Variants in EPHA6 observed in about 807,000 individuals in gnomAD.
The protein encoded by EPHA6 is ephrin type-A receptor 6.
Under a neutral mutation model 112.0 loss-of-function variants are expected in EPHA6, and 50 were observed. The ratio of observed to expected loss-of-function variants is 0.45; its 90% CI spans 0.36 to 0.56. The LOEUF (loss-of-function observed/expected upper bound fraction) is 0.56. EPHA6 is among the 20% of genes least tolerant of loss of function. The pLI is 0.00. For synonymous variants in EPHA6, 529 were observed against 490.7 expected, an observed-to-expected ratio of 1.08 and a Z score of -1.03; for missense variants, 1,280 against 1,417.4, an observed-to-expected ratio of 0.90 and a Z score of 1.56.
intron 3 of EPHA6, among the ~76,000 whole-genome samples, chr3:97,042,956 C>T (rs1389188884): frequency 6.6e-6 from 1 of 152,120 alleles, no homozygotes; most frequent in Non-Finnish European, 1.5e-5. Flanking sequence ...GCCCTTAGAG[C>T]AGACTAGGTA....
At position 97,475,360 on chromosome 3, in the gene EPHA6, A is replaced by G; in HGVS notation, c.1903A>G (p.Met635Val). 6.2e-7 allele frequency: 1 copy of G among 1,609,284 alleles called. No individual in the cohort carries two copies. Among genetic ancestry groups the G allele is most frequent in the Middle Eastern group, 1.7e-4 (1 of 6,052 alleles). ...TTGTATCTCTGTTTCAGCTTCTGAC[A>G]TGGCAGCAGAACAAGGACAGATTCT... Reference protein sequence around the residue: ...EFETGDETSDMAAEQGQILVI... With the variant: ...EFETGDETSDVAAEQGQILVI... The change falls in exon 8 of 18, where the codon ATG becomes GTG. Residue 635 changes from methionine to valine, a missense_variant. By Grantham distance (21) the Met-to-Val change is conservative. Coordinates refer to ENST00000389672, the MANE Select transcript of EPHA6 (RefSeq NM_001080448.3).
chr3:97,109,651 G>A (rs2047663523), intron 3 of EPHA6, among the ~76,000 whole-genome samples: 1 of 152,136 alleles, frequency 6.6e-6, no homozygotes, highest in South Asian at 2.1e-4. Context: ...ACGGTGAGAA[G>A]CACAAAACTC....
At chr3:96,890,708 A>G (rs551062191) in intron 2 of EPHA6, among the ~76,000 whole-genome samples, 124 of 152,242 alleles carry the variant, frequency 8.1e-4, no homozygotes, top group Non-Finnish European at 1.4e-3. Context: ...TGGGGCAAGT[A>G]GAGCTCTCAT....
At chr3:97,541,831 A>T (rs1286347211) in intron 11 of EPHA6, among the ~76,000 whole-genome samples, 5 of 151,186 alleles carry the variant, frequency 3.3e-5, no homozygotes, top group Admixed American at 3.3e-4. Flanking sequence ...GTCCCTGTAC[A>T]GGTGTGCTGT....
chr3:97,461,285 A>T (rs571095875), intron 7 of EPHA6, among the ~76,000 whole-genome samples: 1 of 152,308 alleles, frequency 6.6e-6, no homozygotes, highest in African/African-American at 2.4e-5. Flanking sequence ...AATTTTGTGT[A>T]AAAATTCAAG....
intron 3 of EPHA6, among the ~76,000 whole-genome samples, chr3:97,215,560 G>T (rs2078010013): frequency 6.6e-6 from 1 of 150,996 alleles, no homozygotes; most frequent in African/African-American, 2.4e-5. Context: ...GCAGTGAGCT[G>T]AGATCATGTC....
rs374566449 is a variant in EPHA6, at chr3:97,244,188, G to C, written c.1507G>C (p.Val503Leu). 21 of 1,613,034 alleles carry C rather than the reference G, an allele frequency of 1.3e-5. No individual in the cohort carries two copies. The highest frequency in any genetic ancestry group is 1.5e-5 in the Non-Finnish European group (18 of 1,179,410). ...GATAGTACTTGACTTTGTGTCTCAC[G>C]TGAATTACACCTTTGAAATAGAAGC... ...SVIVLDFVSH[V>L]NYTFEIEAMN... is the part of the protein sequence containing the mutation. The change falls in exon 5 of 18, where the codon GTG becomes CTG. Residue 503 changes from valine to leucine, a missense_variant. Transcript: ENST00000389672.
chr3:97,626,154 A>G (rs1306908593), intron 13 of EPHA6, among the ~76,000 whole-genome samples: 1 of 151,816 alleles, frequency 6.6e-6, no homozygotes, highest in East Asian at 1.9e-4. Context: ...AGCAGGTGCA[A>G]CCAACCAAAA....
At chr3:97,457,180 G>A (rs144156425) in intron 7 of EPHA6, among the ~76,000 whole-genome samples, 2 of 152,168 alleles carry the variant, frequency 1.3e-5, no homozygotes, top group Non-Finnish European at 2.9e-5. Context: ...CTCAAGTAGG[G>A]AATACAAGTA....
At chr3:97,658,633 A>G (rs922007627) in intron 14 of EPHA6, among the ~76,000 whole-genome samples, 1 of 151,970 alleles carries the variant, frequency 6.6e-6, no homozygotes. Flanking sequence ...TACGGGAAAT[A>G]GAAGAAACCG....
At chr3:97,713,431 A>AT (rs1180243632) in intron 14 of EPHA6, among the ~76,000 whole-genome samples, 1 of 152,174 alleles carries the variant, frequency 6.6e-6, no homozygotes, top group Non-Finnish European at 1.5e-5. Context: ...TTTTTTAAAA[A>AT]TTTAGTTTCA....
intron 2 of EPHA6, among the ~76,000 whole-genome samples, chr3:96,952,907 AG>A (rs2041608654): frequency 6.6e-6 from 1 of 152,112 alleles, no homozygotes; most frequent in African/African-American, 2.4e-5. Flanking sequence ...AAACAACTAA[AG>A]GGTATTAGGC....
In EPHA6 at chr3:97,754,165, C is replaced by T. The variant is rs954366079; in HGVS notation, c.*5464C>T. On this transcript the variant is annotated 3_prime_UTR_variant, in exon 18 of 18. Transcript: ENST00000389672. ...GTGCAATGGTGCAATCTTGGCTCAC[C>T]ACAACCTCCGCCTCCCAGGTTCAAG... is the stretch of plus-strand genomic sequence containing the variant. 2.7e-5 allele frequency among the ~76,000 whole-genome samples: 4 copies of T among 149,342 alleles called. No homozygotes were observed. Among genetic ancestry groups the T allele is most frequent in the Non-Finnish European group, 5.9e-5 (4 of 67,584 alleles).
intron 6 of EPHA6, among the ~76,000 whole-genome samples, chr3:97,408,602 G>C (rs2087515033): frequency 6.6e-6 from 1 of 152,008 alleles, no homozygotes; most frequent in African/African-American, 2.4e-5. Context: ...GGAAGTTCAA[G>C]GCCAAGGCTC....
At chr3:97,509,791 G>T (rs2092330834) in intron 10 of EPHA6, among the ~76,000 whole-genome samples, 1 of 152,090 alleles carries the variant, frequency 6.6e-6, no homozygotes. Context: ...TTTCAAGCTT[G>T]GTTCCATTCT....
chr3:97,324,474 T>TTCTTTCTTTTG (rs2082312772), intron 5 of EPHA6, among the ~76,000 whole-genome samples: 1 of 147,812 alleles, frequency 6.8e-6, no homozygotes, highest in Non-Finnish European at 1.5e-5. Context: ...TCTTTCTTTT[T>TTCTTTCTTTTG]CTTTCGTCTC....
At chr3:96,885,575 C>G (rs558940394) in intron 2 of EPHA6, among the ~76,000 whole-genome samples, 1 of 152,000 alleles carries the variant, frequency 6.6e-6, no homozygotes, top group Non-Finnish European at 1.5e-5. Flanking sequence ...TGTGATATCT[C>G]CTGTTTCATT....
chr3:97,400,672 T>G (rs1197126271), intron 5 of EPHA6, among the ~76,000 whole-genome samples: 5 of 151,736 alleles, frequency 3.3e-5, no homozygotes, highest in African/African-American at 1.2e-4. Context: ...GATATGATAT[T>G]TATTTATTGT....
chr3:97,001,742 T>A (rs1379845885), intron 3 of EPHA6, among the ~76,000 whole-genome samples: 2 of 151,974 alleles, frequency 1.3e-5, no homozygotes, highest in Non-Finnish European at 2.9e-5. Flanking sequence ...AGATGTTCAG[T>A]TTCAAGTCAC....
Sources: gnomAD v4.1 joint callset for allele counts (sites outside exome capture counted in the v4.1 genomes callset) on GRCh38, gnomAD v4.1.1 for gene constraint, MANE v1.5 for transcripts, NCBI Gene and HGNC (gene_info 2026-07-23, HGNC 2026-07-21) for gene names.